TKTL1: variants seen among roughly 807,000 people sequenced by gnomAD.
The protein encoded by TKTL1 is transketolase like 1.
In TKTL1, 1 loss-of-function variant was observed where a neutral mutation model predicts 39.3. That is an observed-to-expected ratio of 0.03 (90% CI 0.01 to 0.12). The LOEUF is 0.12. TKTL1 is among the 10% of genes least tolerant of loss of function. The pLI is 1.00. For missense variants in TKTL1, 575 were observed against 509.6 expected (o/e 1.13, Z -1.24); for synonymous variants, 262 against 193.8 (o/e 1.35, Z -2.92).
intron 3 of TKTL1, 60 bp downstream of exon 3, chrX:154,309,502 C>A: frequency 2.0e-6 from 2 of 989,853 alleles, no homozygotes; most frequent in Non-Finnish European, 2.9e-6. Context: ...TTCCTAGAGT[C>A]TCGGGGGGCA....
intron 1 of TKTL1, among the ~76,000 whole-genome samples, chrX:154,296,897 T>TC (rs2067233870): frequency 9.0e-6 from 1 of 111,494 alleles, no homozygotes; most frequent in African/African-American, 3.3e-5. Flanking sequence ...GTGCCTGTAG[T>TC]CCCAGCTACG....
chrX:154,324,485 A>G (rs2067478381), intron 9 of TKTL1, among the ~76,000 whole-genome samples: 1 of 112,253 alleles, frequency 8.9e-6, no homozygotes, highest in African/African-American at 3.2e-5. Context: ...TTGTTCTGTG[A>G]TTTCACACGT....
chrX:154,310,446 A>C (rs1296478924), intron 3 of TKTL1, among the ~76,000 whole-genome samples: 5 of 112,525 alleles, frequency 4.4e-5, no homozygotes, highest in Non-Finnish European at 9.4e-5. Context: ...AACAAACAAA[A>C]AAATTAGAAG....
chrX:154,322,497 C>T (rs932766001), intron 8 of TKTL1, among the ~76,000 whole-genome samples: 2 of 111,129 alleles, frequency 1.8e-5, no homozygotes, highest in African/African-American at 6.6e-5. Flanking sequence ...ACCTAGTGCG[C>T]TCAAGCCTGG....
intron 10 of TKTL1, chrX:154,327,333 C>T (rs782631434): frequency 7.6e-6 from 4 of 525,562 alleles, no homozygotes; most frequent in Non-Finnish European, 1.1e-5. Context: ...CCAATCTTTG[C>T]ATGCCATAGT....
At chrX:154,325,232 T>C in intron 9 of TKTL1, 107 bp from the exon 10 acceptor site, 8 of 762,102 alleles carry the variant, frequency 1.0e-5, no homozygotes, top group Non-Finnish European at 1.6e-5. Context: ...CCTGTGTTTT[T>C]AGTAGAAAGA....
At chrX:154,298,809 C>T (rs989228367) in intron 1 of TKTL1, among the ~76,000 whole-genome samples, 2 of 110,711 alleles carry the variant, frequency 1.8e-5, no homozygotes, top group Middle Eastern at 4.2e-3. Context: ...TTAGTCCTTA[C>T]GTTGTAAAGT....
intron 2 of TKTL1, among the ~76,000 whole-genome samples, chrX:154,308,529 A>G (rs1473297476): frequency 8.9e-6 from 1 of 111,990 alleles, no homozygotes; most frequent in Non-Finnish European, 1.9e-5. Context: ...TTGTGGCTAG[A>G]TTGAGAATGG....
chrX:154,307,031 C>A (rs781823209), intron 2 of TKTL1, among the ~76,000 whole-genome samples: 1 of 103,873 alleles, frequency 9.6e-6, no homozygotes, highest in African/African-American at 4.2e-5. Context: ...TACAGTGGCT[C>A]ACACCAGTGC....
rs781924988 is a variant in TKTL1, at chrX:154,305,380, G to T, written c.211G>T (p.Asp71Tyr). The change falls in exon 2 of 13, where the codon GAT (aspartate) becomes TAT (tyrosine). Residue 71 changes from aspartate to tyrosine, a missense_variant. Transcript: ENST00000369915. ...CTACATCATGAGGTACAAGCAGTCA[G>T]ATCCAGAGAATCCGGACAACGACCG... is the stretch of plus-strand genomic sequence containing the variant. ...FFYIMRYKQS[D>Y]PENPDNDRFV... 2 of 1,210,695 alleles carry T rather than the reference G, an allele frequency of 1.7e-6. No homozygotes were observed. The highest frequency in any genetic ancestry group is 2.2e-6 in the Non-Finnish European group (2 of 894,696).
intron 1 of TKTL1, among the ~76,000 whole-genome samples, chrX:154,297,587 T>C (rs1557164938): frequency 9.0e-6 from 1 of 111,688 alleles, no homozygotes; most frequent in African/African-American, 3.3e-5. Context: ...TATTTGCTTT[T>C]GGTATCAAAA....
rs782024824 is a variant in TKTL1, at chrX:154,312,580, G to T, written c.671G>T (p.Ser224Ile). Residue 224 changes from serine (S) to isoleucine (I), a missense_variant and splice_region_variant, in exon 6 of 13, where the codon AGT becomes ATT. By Grantham distance (142) the Ser-to-Ile change is moderately radical (BLOSUM62 -2). Coordinates refer to ENST00000369915, the MANE Select transcript of TKTL1 (RefSeq NM_012253.4). The part of the protein sequence containing the change: ...AKTFKGRGTP[S>I]IEDAESWHAK... Reference sequence around the variant, plus strand: ...ATGTCTTTTGTTTGTTTCATTACAGGTATTGAGGATGCAGAAAGTTGGCAT... The same window carrying T: ...ATGTCTTTTGTTTGTTTCATTACAGTTATTGAGGATGCAGAAAGTTGGCAT... 4.1e-6 allele frequency: 5 copies of T among 1,207,768 alleles called. No individual in the cohort carries two copies. In the Admixed American group the frequency reaches 8.7e-5, roughly 21 times the overall value.
chrX:154,299,726 G>A (rs1341272342), intron 1 of TKTL1, among the ~76,000 whole-genome samples: 5 of 111,099 alleles, frequency 4.5e-5, no homozygotes, highest in African/African-American at 1.6e-4. Context: ...GAGTTACTTC[G>A]CTTAAAATAA....
At chrX:154,325,445 G>GT (rs2148084675) in intron 10 of TKTL1, 23 bp downstream of exon 10, 3 of 1,152,286 alleles carry the variant, frequency 2.6e-6, no homozygotes, top group Non-Finnish European at 3.6e-6. Context: ...GCGCTCCTGC[G>GT]TTATTCAGTA....
chrX:154,319,511 G>A (rs1317490264), intron 7 of TKTL1, among the ~76,000 whole-genome samples: 3 of 111,832 alleles, frequency 2.7e-5, no homozygotes, highest in Admixed American at 1.9e-4. Flanking sequence ...GAGGCCGGCC[G>A]AGGTGGGTGG....
In TKTL1 at chrX:154,329,664, C is replaced by A. The variant is rs371851656; in HGVS notation, c.1767C>A (p.Ala589=). ...YGISARHIIV[A]VKCMLLN The stretch of plus-strand genomic sequence containing the variant: ...TTAGTGCCAGACATATCATAGTGGC[C>A]GTGAAATGCATGTTGCTGAACTAAA... The change falls in exon 13 of 13, where the codon GCC becomes GCA. Residue 589 remains alanine (A), a synonymous_variant. Coordinates refer to ENST00000369915, the MANE Select transcript of TKTL1 (RefSeq NM_012253.4). 2 of 1,210,548 alleles carry A rather than the reference C, an allele frequency of 1.7e-6. No homozygotes were observed. The highest frequency in any genetic ancestry group is 3.5e-5 in the South Asian group (2 of 56,866).
chrX:154,309,431 C>G lies in TKTL1; in HGVS notation c.339C>G (p.Phe113Leu). The change falls in exon 3 of 13, where the codon TTC (phenylalanine) becomes TTG (leucine). Residue 113 changes from phenylalanine to leucine, a missense_variant. Physicochemically the swap from Phe to Leu is conservative, Grantham distance 22 (BLOSUM62 0). Coordinates refer to ENST00000369915, the MANE Select transcript of TKTL1 (RefSeq NM_012253.4). ...ACGMAYTGKYFDRASYRVFCL... is the reference protein window; with the variant it reads ...ACGMAYTGKYLDRASYRVFCL... Reference sequence around the variant, plus strand: ...GAATGGCATATACTGGCAAGTACTTCGACAGGGCCAGGTGAGGTTCTTCCC... The same window carrying G: ...GAATGGCATATACTGGCAAGTACTTGGACAGGGCCAGGTGAGGTTCTTCCC... 8.3e-7 allele frequency: 1 copy of G among 1,207,594 alleles called. No homozygotes were observed. Among genetic ancestry groups the G allele is most frequent in the Non-Finnish European group, 1.1e-6 (1 of 892,431 alleles).
At chrX:154,316,778 T>TG (rs2067403999) in intron 7 of TKTL1, among the ~76,000 whole-genome samples, 1 of 106,959 alleles carries the variant, frequency 9.3e-6, no homozygotes, top group East Asian at 2.9e-4. Flanking sequence ...GGGGTTTTTT[T>TG]TTTTTGAGAT....
intron 2 of TKTL1, among the ~76,000 whole-genome samples, chrX:154,306,132 C>G (rs2067312967): frequency 9.5e-6 from 1 of 105,167 alleles, no homozygotes; most frequent in African/African-American, 3.8e-5. Flanking sequence ...CATAGCAAAA[C>G]TCCGTCTCCA....
Sources: gnomAD v4.1 joint callset for allele counts (sites outside exome capture counted in the v4.1 genomes callset) on GRCh38, gnomAD v4.1.1 for gene constraint, MANE v1.5 for transcripts, NCBI Gene and HGNC (gene_info 2026-07-23, HGNC 2026-07-21) for gene names.